Variants in IREB2 observed in about 807,000 individuals in gnomAD.
The protein encoded by IREB2 is iron responsive element binding protein 2, also known as iron-responsive element-binding protein 2.
A neutral mutation model predicts 118.8 loss-of-function variants in IREB2; 39 were observed. The observed-to-expected ratio is 0.33, with a 90% CI of 0.25 to 0.43. The LOEUF is 0.43. Ranked by LOEUF, IREB2 falls within the 20% of genes least tolerant of loss-of-function variation. The probability of loss-of-function intolerance (pLI) is 1.00; values close to 1 mark genes in which losing one functional copy is unlikely to be tolerated. For synonymous variants in IREB2, 372 were observed against 392.2 expected (o/e 0.95, Z 0.61); for missense variants, 900 against 1,147.3 (o/e 0.78, Z 3.11).
At chr15:78,447,294 A>G (rs1343236217) in intron 2 of IREB2, among the ~76,000 whole-genome samples, 1 of 148,044 alleles carries the variant, frequency 6.8e-6, no homozygotes, top group Non-Finnish European at 1.5e-5. Flanking sequence ...CTCCCATCTC[A>G]GCCTCCCACT....
At chr15:78,447,923 G>A (rs1228172807) in intron 2 of IREB2, among the ~76,000 whole-genome samples, 1 of 152,216 alleles carries the variant, frequency 6.6e-6, no homozygotes, top group African/African-American at 2.4e-5. Flanking sequence ...TTGGTTGTCT[G>A]TTGGAAGGCT....
chr15:78,458,821 GT>G (rs1406017083), intron 2 of IREB2, among the ~76,000 whole-genome samples: 2 of 152,156 alleles, frequency 1.3e-5, no homozygotes, highest in Admixed American at 6.5e-5. Flanking sequence ...TTTTGTTGTT[GT>G]TTTTTGAGAC....
At chr15:78,467,246 A>C (rs1464208644) in intron 5 of IREB2, among the ~76,000 whole-genome samples, 3 of 151,956 alleles carry the variant, frequency 2.0e-5, no homozygotes, top group Admixed American at 2.0e-4. Context: ...TTAACGATAA[A>C]ATTTTTGTTT....
At chr15:78,485,118 TTACTA>T (rs1344653580) in intron 12 of IREB2, among the ~76,000 whole-genome samples, 198 bp downstream of exon 12, 1 of 152,246 alleles carries the variant, frequency 6.6e-6, no homozygotes, top group Non-Finnish European at 1.5e-5. Flanking sequence ...AATTTACTGT[TTACTA>T]TAACTTACCT....
upstream of IREB2, chr15:78,438,087 A>C: frequency 4.1e-6 from 2 of 484,066 alleles, no homozygotes; most frequent in East Asian, 6.6e-5. Context: ...GGCGCGAGAA[A>C]TCGCTTTCTG....
rs774375130 is a variant in IREB2, at chr15:78,478,299, T to G, written c.1198T>G (p.Phe400Val). Residue 400 changes from phenylalanine to valine, a missense_variant and splice_region_variant, in exon 10 of 22, where the codon TTT (phenylalanine) becomes GTT (valine). Physicochemically the swap from Phe to Val is conservative, Grantham distance 50. Coordinates refer to ENST00000258886, the MANE Select transcript of IREB2 (RefSeq NM_004136.4). ...VTLKHLEHTG[F>V]SKAKLESMET... ...TGTTTTGTTCATCTTCGTTTTAGGT[T>G]TTAGCAAAGCCAAACTCGAATCAAT... 2 of 1,604,064 alleles carry G rather than the reference T, an allele frequency of 1.2e-6. No homozygotes were observed. Among genetic ancestry groups the G allele is most frequent in the Non-Finnish European group, 1.7e-6 (2 of 1,171,900 alleles).
In IREB2 at chr15:78,438,242, G is replaced by C; in HGVS notation, c.-96G>C. The C allele has an allele frequency of 1.1e-6, 1 of 940,882 alleles. No homozygotes were observed. The highest frequency in any genetic ancestry group is 1.7e-6 in the Non-Finnish European group (1 of 589,836). 58.3% of individuals were successfully genotyped at this position (940,882 alleles called of 1,614,324 possible). A position where few individuals can be genotyped will look rare whatever the true frequency, so the allele number is the denominator to read the frequency against. ...AGCCTGCTTCCTTCTTTCCTCCCTT[G>C]CCAGTCCGCCTGTCTTCCTCCCCGT... On this transcript the variant is annotated 5_prime_UTR_variant, in exon 1 of 22. Coordinates refer to ENST00000258886, the MANE Select transcript of IREB2 (RefSeq NM_004136.4).
In IREB2 at chr15:78,439,839, C is replaced by T. The variant is rs753672598; in HGVS notation, c.64C>T (p.His22Tyr). 1.1e-5 allele frequency: 17 copies of T among 1,600,814 alleles called. No homozygotes were observed. The South Asian group carries it at 1.7e-4, about 16-fold the overall frequency. Residue 22 changes from histidine (H) to tyrosine (Y), a missense_variant, in exon 2 of 22, where the codon CAT (histidine) becomes TAT (tyrosine). By Grantham distance (83) the His-to-Tyr change is moderately conservative. Transcript: ENST00000258886. ...YLIETLNDSS[H>Y]KKFFDVSKLG... ...TATTGAAACATTAAATGACAGTTCA[C>T]ATAAGAAGTTCTTCGATGTATCTAA...
At position 78,499,787 on chromosome 15, in the gene IREB2, T is replaced by C. The variant is rs1316404630; in HGVS notation, c.*1644T>C. ...TTAGGAGAAATTACAGGTTGAAAGA[T>C]GAAATGCCTGTATGTGCTCTGAAGA... On this transcript the variant is annotated 3_prime_UTR_variant, in exon 22 of 22. Coordinates refer to ENST00000258886, the MANE Select transcript of IREB2 (RefSeq NM_004136.4). 6.6e-6 allele frequency: 1 copy of C among 152,222 alleles called. No individual in the cohort carries two copies. The highest frequency in any genetic ancestry group is 1.9e-4 in the East Asian group (1 of 5,206). The allele number at this position is 152,222 out of a possible 1,614,324, so 9.4% of individuals were successfully genotyped here. A position where few individuals can be genotyped will look rare whatever the true frequency, so the allele number is the denominator to read the frequency against.
chr15:78,495,004 C>G (rs1166968635), intron 20 of IREB2, among the ~76,000 whole-genome samples: 2 of 152,202 alleles, frequency 1.3e-5, no homozygotes, highest in Non-Finnish European at 2.9e-5. Flanking sequence ...TGGTGCCTGG[C>G]TGTCTGCCAG....
At chr15:78,438,629 C>T in intron 1 of IREB2, 1 of 481,526 alleles carries the variant, frequency 2.1e-6, no homozygotes. Flanking sequence ...CCGGTGGCCG[C>T]TGCCTGCTGC....
rs1349502807 is a variant in IREB2, at chr15:78,493,892, T to G, written c.2325-17T>G. The G allele has an allele frequency of 6.2e-7, 1 of 1,600,528 alleles. No individual in the cohort carries two copies. The highest frequency in any genetic ancestry group is 8.5e-7 in the Non-Finnish European group (1 of 1,173,900). ...TTCCACATGTAATGAAAACTGACTT[T>G]CATTACTTTCTTGTAGCCTTACCCC... On this transcript the variant is annotated splice_polypyrimidine_tract_variant and intron_variant, in intron 18 of 21. Transcript: ENST00000258886.
intron 11 of IREB2, among the ~76,000 whole-genome samples, 167 bp downstream of exon 11, chr15:78,483,601 G>A (rs2051611890): frequency 6.6e-6 from 1 of 152,098 alleles, no homozygotes; most frequent in South Asian, 2.1e-4. Context: ...TCAGTCATTA[G>A]GTAAGCTTGT....
chr15:78,475,970 C>T (rs1257340392), intron 8 of IREB2: 6 of 373,776 alleles, frequency 1.6e-5, no homozygotes, highest in Non-Finnish European at 2.9e-5. Flanking sequence ...AGGCCCCTTT[C>T]TACCCTGATT....
intron 2 of IREB2, among the ~76,000 whole-genome samples, chr15:78,441,387 A>G (rs1465625093): frequency 1.3e-5 from 2 of 152,224 alleles, no homozygotes; most frequent in African/African-American, 4.8e-5. Context: ...GTGAGTTTGC[A>G]TTAATTTTGA....
rs142069721 is a variant in IREB2, at chr15:78,488,974, C to A, written c.2076+203C>A. Among the ~76,000 whole-genome samples the A allele has an allele frequency of 3.2e-3, 494 of 152,256 alleles. 1 individual carries two copies. Among genetic ancestry groups the A allele is most frequent in the Middle Eastern group, 0.01 (3 of 294 alleles). ...GTGGCTCACGCCTGTAATCCCGACA[C>A]TTTGGGAGGCTGAAGCAGGTTGATC... On this transcript the variant is annotated intron_variant, in intron 16 of 21. Transcript: ENST00000258886.
rs1363138530 is a variant in IREB2, at chr15:78,479,132, TGGAC to T, written c.1296+736_1296+739del. On this transcript the variant is annotated intron_variant, in intron 10 of 21. Transcript: ENST00000258886. ...CTATTTTTTTAATATTATTATTTTT[TGGAC>T]CCTGGGCAGGGTCTCATTTTATTTT... is the stretch of plus-strand genomic sequence containing the variant. Among the ~76,000 whole-genome samples the T allele has an allele frequency of 2.6e-5, 4 of 152,138 alleles. No individual in the cohort carries two copies. In the East Asian group the frequency reaches 7.7e-4, roughly 29 times the overall value.
At position 78,484,931 on chromosome 15, in the gene IREB2, G is replaced by A. The variant is rs986862548; in HGVS notation, c.1573+11G>A. The A allele has an allele frequency of 1.2e-6, 2 of 1,602,674 alleles. No individual in the cohort carries two copies. Among genetic ancestry groups the A allele is most frequent in the Admixed American group, 3.5e-5 (2 of 57,286 alleles). On this transcript the variant is annotated intron_variant, in intron 12 of 21. Transcript: ENST00000258886. ...TCATGCTTGCTGCAGGTGGGTTGTG[G>A]TTTATGGCCATACTTTTTCTTTTTC...
rs148553200 is a variant in IREB2 at position 78,444,338 on chromosome 15, C to A, written c.106+4457C>A. On this transcript the variant is annotated intron_variant, in intron 2 of 21. Coordinates refer to ENST00000258886, the MANE Select transcript of IREB2 (RefSeq NM_004136.4). ...AACAGCATAATGGAAACATGAATGA[C>A]TATGTTGAATGAAGGGGAAGATGGT... 2.0e-5 allele frequency among the ~76,000 whole-genome samples: 3 copies of A among 152,014 alleles called. No individual in the cohort carries two copies. The East Asian group carries it at 5.8e-4, about 29-fold the overall frequency.
Sources: allele counts gnomAD v4.1 joint callset (sites outside exome capture counted in the v4.1 genomes callset), GRCh38; gene constraint gnomAD v4.1.1; transcripts MANE v1.5; gene names NCBI Gene and HGNC (gene_info 2026-07-23, HGNC 2026-07-21).